The following ABHD2 variants were observed in gnomAD, a reference collection of about 807,000 sequenced individuals.
The protein encoded by ABHD2 is monoacylglycerol lipase ABHD2.
A neutral mutation model predicts 48.1 loss-of-function variants in ABHD2; 20 were observed. The observed-to-expected ratio is 0.42, with a 90% CI of 0.29 to 0.60. ABHD2 has a LOEUF of 0.60. Among genes scored for constraint, ABHD2 ranks in the 20% least tolerant of loss-of-function variants. ABHD2 has a pLI of 0.24. For synonymous variants in ABHD2, 209 were observed against 214.2 expected (o/e 0.98, Z 0.21); for missense variants, 405 against 550.9 (o/e 0.74, Z 2.65).
At chr15:89,053,813 G>C in the ABHD2 span, among the ~76,000 whole-genome samples, 1 of 152,164 alleles carries the variant, frequency 6.6e-6, no homozygotes, top group East Asian at 1.9e-4. Context: ...GGGTAAAGTG[G>C]TGCTCACATC....
At position 89,102,143 on chromosome 15, in the gene ABHD2, C is replaced by T. The variant is rs1399997985; in HGVS notation, c.-106-11582C>T. On this transcript the variant is annotated intron_variant, in intron 1 of 10. Transcript: ENST00000352732. This position sits in a 1 kb window ranked among gnomAD's most constrained non-coding sequence, Gnocchi z 4.8. ...TCCTGACCGCCCAGCATTCTTGGGC[C>T]TTGGCTCAACTGTGAGCCCAGCCTG... Among the ~76,000 whole-genome samples the T allele has an allele frequency of 2.6e-5, 4 of 152,186 alleles. No individual in the cohort carries two copies. Among genetic ancestry groups the T allele is most frequent in the Non-Finnish European group, 5.9e-5 (4 of 68,032 alleles).
At chr15:89,051,069 C>A in the ABHD2 span, among the ~76,000 whole-genome samples, 2 of 152,290 alleles carry the variant, frequency 1.3e-5, no homozygotes, top group Middle Eastern at 3.4e-3. Context: ...CCCATCTCTA[C>A]TAAAAATACA....
rs2049926862 is a variant in ABHD2 at position 89,114,609 on chromosome 15, A to G, written c.-7+785A>G. ...GTGATCCTCCTGCCTCAGACTCCCA[A>G]GTAGCTGGGATTACAGGCATGTGCC... On this transcript the variant is annotated intron_variant, in intron 2 of 10. Transcript: ENST00000352732. The surrounding 1 kb of genome is among the most constrained non-coding windows in gnomAD (Gnocchi z 4.2). Among the ~76,000 whole-genome samples, 2 of 152,110 alleles carry G rather than the reference A, an allele frequency of 1.3e-5. No homozygotes were observed. Among genetic ancestry groups the G allele is most frequent in the South Asian group, 2.1e-4 (1 of 4,826 alleles).
In ABHD2 at chr15:89,201,774, TTCGC is replaced by T. The variant is rs2051467763; in HGVS notation, c.*6352_*6355del. The T allele has an allele frequency of 2.0e-6, 3 of 1,508,274 alleles. No individual in the cohort carries two copies. The Admixed American group carries it at 5.0e-5, about 25-fold the overall frequency. 93.4% of individuals were successfully genotyped at this position (1,508,274 alleles called of 1,614,324 possible). ...GTCGAGGACCAGGATCTGCTCGTGC[TTCGC>T]CGTGGCCCCGGAGGCAGACGCCATT... On this transcript the variant is annotated 3_prime_UTR_variant, in exon 11 of 11. Transcript: ENST00000352732.
chr15:89,157,406 G>C (rs979965759), intron 5 of ABHD2, among the ~76,000 whole-genome samples: 6 of 152,176 alleles, frequency 3.9e-5, no homozygotes, highest in Non-Finnish European at 8.8e-5. Context: ...AGGTATGGAA[G>C]CATGAACAGG....
chr15:89,118,094 G>A (rs1448185192), intron 3 of ABHD2, among the ~76,000 whole-genome samples: 1 of 152,166 alleles, frequency 6.6e-6, no homozygotes, highest in Non-Finnish European at 1.5e-5. Flanking sequence ...AGTGTTTGCA[G>A]TTAAAAATCA....
chr15:89,118,179 CT>C (rs1036602581), intron 3 of ABHD2, among the ~76,000 whole-genome samples: 26 of 151,886 alleles, frequency 1.7e-4, no homozygotes, highest in Non-Finnish European at 2.8e-4. Flanking sequence ...TTGAATGTTT[CT>C]TTTTTTCTTT....
Position 89,183,384 on chromosome 15 carries a change from A to AAAAAAAATAT in ABHD2, c.723-2039_723-2038insAAAAAATATA, listed in dbSNP as rs61602174. ...AGTCCTTTTCAAAAAAAAAAAAAAA[A>AAAAAAAATAT]ATATATATATATATATATATATATA... On this transcript the variant is annotated intron_variant, in intron 6 of 10. Transcript: ENST00000352732. The AAAAAAAATAT allele has an allele frequency of 5.9e-3, 271 of 46,232 alleles. 9 individuals carry two copies. Among genetic ancestry groups the AAAAAAAATAT allele is most frequent in the Non-Finnish European group, 7.8e-3 (185 of 23,600 alleles). The allele number at this position is 46,232 out of a possible 1,614,324, so 2.9% of individuals were successfully genotyped here. A position where few individuals can be genotyped will look rare whatever the true frequency, so the allele number is the denominator to read the frequency against.
chr15:89,124,713 G>A (rs199931392), intron 3 of ABHD2, among the ~76,000 whole-genome samples: 1 of 152,126 alleles, frequency 6.6e-6, no homozygotes, highest in East Asian at 1.9e-4. Context: ...CAGCACTTTG[G>A]GAGGCTGAGG....
In ABHD2 at chr15:89,115,406, GTGTGTGTGTGTGTGTGTGTGTGTGTT is replaced by G. The variant is rs1567073480; in HGVS notation, c.-6-914_-6-889del. On this transcript the variant is annotated intron_variant, in intron 2 of 10. Coordinates refer to ENST00000352732, the MANE Select transcript of ABHD2 (RefSeq NM_152924.5). ...TGTGTGTGTGTGTGTGTGTGTGTGTGTGTGTGTGTGTGTGTGTGTGTGTGTTTTGTATATAAGGTAAAGTTACTTCA... is the reference window on the plus strand; with the variant it reads ...TGTGTGTGTGTGTGTGTGTGTGTGTGTTGTATATAAGGTAAAGTTACTTCA... 5.8e-3 allele frequency among the ~76,000 whole-genome samples: 780 copies of G among 134,040 alleles called. 7 individuals carry two copies. Among genetic ancestry groups the G allele is most frequent in the African/African-American group, 0.02 (742 of 37,204 alleles). The allele number at this position is 134,040 out of a possible 152,430, so 87.9% of individuals were successfully genotyped here.
chr15:89,201,509 T>C lies in ABHD2; in HGVS notation c.*6086T>C. On this transcript the variant is annotated 3_prime_UTR_variant, in exon 11 of 11. Transcript: ENST00000352732. ...TCTGAAGTGTTTAGTGGAGCAAAAA[T>C]TGTACCATAAACTTGTGTTTACTCT... 6.3e-7 allele frequency: 1 copy of C among 1,589,982 alleles called. No homozygotes were observed. Among genetic ancestry groups the C allele is most frequent in the South Asian group, 1.1e-5 (1 of 90,462 alleles).
At chr15:89,181,971 T>G (rs10852118) in intron 6 of ABHD2, among the ~76,000 whole-genome samples, 1 of 152,014 alleles carries the variant, frequency 6.6e-6, no homozygotes, top group Non-Finnish European at 1.5e-5. Context: ...GAGAAATCTC[T>G]CACTAGAAAA....
chr15:89,148,319 C>T (rs1055237088), intron 3 of ABHD2, among the ~76,000 whole-genome samples: 4 of 152,042 alleles, frequency 2.6e-5, no homozygotes, highest in Non-Finnish European at 4.4e-5. Context: ...AAACATGAAT[C>T]AGCGAAATGC....
intron 1 of ABHD2, among the ~76,000 whole-genome samples, chr15:89,109,671 T>C (rs971295551): frequency 3.9e-5 from 6 of 152,044 alleles, no homozygotes; most frequent in Non-Finnish European, 7.4e-5. Flanking sequence ...TATTAATATA[T>C]AGTGACAAGT....
chr15:89,170,267 T>C (rs2050904110), intron 5 of ABHD2, among the ~76,000 whole-genome samples: 1 of 151,518 alleles, frequency 6.6e-6, no homozygotes, highest in South Asian at 2.1e-4. Context: ...TGGATAATTT[T>C]TGTATTTTTA....
chr15:89,164,648 G>A lies in ABHD2; in HGVS notation c.538+9114G>A, dbSNP rs2050810967. 6.6e-6 allele frequency among the ~76,000 whole-genome samples: 1 copy of A among 152,024 alleles called. No individual in the cohort carries two copies. The highest frequency in any genetic ancestry group is 1.5e-5 in the Non-Finnish European group (1 of 68,006). On this transcript the variant is annotated intron_variant, in intron 5 of 10. Transcript: ENST00000352732. The surrounding 1 kb of genome is among the most constrained non-coding windows in gnomAD (Gnocchi z 5.0). ...ACTAAAAATGAAAAAAGCCAGGTGT[G>A]ATGATACACACCTGTAATCTCAGCT... is the stretch of plus-strand genomic sequence containing the variant.
intron 6 of ABHD2, among the ~76,000 whole-genome samples, chr15:89,178,101 T>C (rs2051046372): frequency 6.6e-6 from 1 of 152,208 alleles, no homozygotes; most frequent in Non-Finnish European, 1.5e-5. Flanking sequence ...TAACTAACTA[T>C]TGGCACACCA....
chr15:89,044,199 C>T, the ABHD2 span, among the ~76,000 whole-genome samples: 1 of 152,116 alleles, frequency 6.6e-6, no homozygotes, highest in Admixed American at 6.6e-5. Context: ...TGATGATTTC[C>T]AGTTTCATCC....
chr15:89,042,131 A>G, the ABHD2 span, among the ~76,000 whole-genome samples: 1 of 152,332 alleles, frequency 6.6e-6, no homozygotes, highest in Non-Finnish European at 1.5e-5. Flanking sequence ...ACACCAGTAC[A>G]TTATTGTCTC....
Sources: gnomAD v4.1 joint callset for allele counts (sites outside exome capture counted in the v4.1 genomes callset) on GRCh38, gnomAD v4.1.1 for gene constraint, Gnocchi (gnomAD v3.1) non-coding constraint, MANE v1.5 for transcripts, NCBI Gene and HGNC (gene_info 2026-07-23, HGNC 2026-07-21) for gene names.